Variants in RIMS2 observed in about 807,000 individuals in gnomAD.
RIMS2 encodes regulating synaptic membrane exocytosis 2, also known as regulating synaptic membrane exocytosis protein 2.
Under a neutral mutation model 174.4 loss-of-function variants are expected in RIMS2, and 59 were observed. The observed-to-expected ratio is 0.34, with a 90% CI of 0.27 to 0.42. RIMS2 has a LOEUF of 0.42. Among genes scored for constraint, RIMS2 ranks in the 10% least tolerant of loss-of-function variants. RIMS2 has a pLI of 1.00. For synonymous variants in RIMS2, 606 were observed against 572.5 expected (o/e 1.06, Z -0.84); for missense variants, 1,620 against 1,666.3 (o/e 0.97, Z 0.48).
chr8:103,517,710 G>C (rs545595809), intron 1 of RIMS2, among the ~76,000 whole-genome samples: 1 of 152,072 alleles, frequency 6.6e-6, no homozygotes, highest in South Asian at 2.1e-4. Flanking sequence ...CCTGTTGTTG[G>C]TGGAGGCAAT....
chr8:104,014,576 C>G (rs201593154), exon 19 of RIMS2: 2 of 1,612,326 alleles, frequency 1.2e-6, no homozygotes, highest in East Asian at 4.5e-5. Flanking sequence ...AAGGGGCCGA[C>G]AGCTTCCACA....
intron 16 of RIMS2, among the ~76,000 whole-genome samples, chr8:103,989,000 C>G (rs1227684573): frequency 6.6e-6 from 1 of 152,114 alleles, no homozygotes; most frequent in African/African-American, 2.4e-5. Context: ...AGTATCAGTA[C>G]TAGAGACCTG....
intron 19 of RIMS2, among the ~76,000 whole-genome samples, chr8:104,156,485 A>C (rs2098724955): frequency 6.6e-6 from 1 of 152,206 alleles, no homozygotes; most frequent in South Asian, 2.1e-4. Flanking sequence ...ACACAGCATT[A>C]AGCCACTGTT....
At chr8:103,625,908 T>C (rs931326612) in intron 1 of RIMS2, among the ~76,000 whole-genome samples, 1 of 151,694 alleles carries the variant, frequency 6.6e-6, no homozygotes, top group African/African-American at 2.4e-5. Context: ...TGTGTGTATA[T>C]ATTATATATA....
chr8:103,562,964 C>T (rs1296656273), intron 1 of RIMS2, among the ~76,000 whole-genome samples: 1 of 152,148 alleles, frequency 6.6e-6, no homozygotes, highest in African/African-American at 2.4e-5. Flanking sequence ...CCCTTTTAGT[C>T]AAGGCTGGAG....
chr8:104,213,915 G>A (rs1286105107), intron 19 of RIMS2, among the ~76,000 whole-genome samples: 1 of 151,312 alleles, frequency 6.6e-6, no homozygotes, highest in South Asian at 2.1e-4. Flanking sequence ...AGAAGAAGAA[G>A]AAGAGAAATA....
At chr8:103,817,347 A>C (rs912161485) in intron 3 of RIMS2, among the ~76,000 whole-genome samples, 1 of 152,346 alleles carries the variant, frequency 6.6e-6, no homozygotes. Context: ...GTGTGTGTGC[A>C]TGTGCACATG....
intron 1 of RIMS2, among the ~76,000 whole-genome samples, chr8:103,617,327 G>A (rs987113523): frequency 3.3e-5 from 5 of 152,146 alleles, no homozygotes; most frequent in Admixed American, 6.5e-5. Context: ...ATTGAAGCTG[G>A]ACTCCTTCCT....
chr8:104,069,533 AT>A (rs915978344), intron 19 of RIMS2, among the ~76,000 whole-genome samples: 3 of 143,710 alleles, frequency 2.1e-5, no homozygotes, highest in Non-Finnish European at 3.0e-5. Context: ...CAGTGGTGCA[AT>A]CTTGGCTCAC....
intron 3 of RIMS2, among the ~76,000 whole-genome samples, chr8:103,767,191 TC>T (rs1440656082): frequency 1.3e-5 from 1 of 78,242 alleles, no homozygotes; most frequent in Non-Finnish European, 2.2e-5. Flanking sequence ...TCTTTTTCTT[TC>T]TTTTTTTTTT....
chr8:104,205,495 C>CTG (rs55980964), intron 19 of RIMS2, among the ~76,000 whole-genome samples: 30,176 of 150,924 alleles, frequency 0.2, 3,155 homozygotes, highest in Non-Finnish European at 0.23. Context: ...TGTGAAGTGT[C>CTG]TGTGTGTGTG....
At chr8:103,675,383 G>A (rs2096795507) in intron 1 of RIMS2, among the ~76,000 whole-genome samples, 1 of 152,174 alleles carries the variant, frequency 6.6e-6, no homozygotes, top group Non-Finnish European at 1.5e-5. Context: ...AGTGATTCCT[G>A]TTCCATGCAA....
chr8:104,012,264 CA>C (rs1397592923), intron 17 of RIMS2, among the ~76,000 whole-genome samples: 1 of 151,682 alleles, frequency 6.6e-6, no homozygotes, highest in African/African-American at 2.4e-5. Context: ...AGCCAATATT[CA>C]CTTTCTAAAG....
intron 1 of RIMS2, among the ~76,000 whole-genome samples, chr8:103,602,356 A>T (rs1350248973): frequency 6.6e-6 from 1 of 152,062 alleles, no homozygotes; most frequent in African/African-American, 2.4e-5. Context: ...TATATAGGTA[A>T]ACTGCATGTC....
intron 3 of RIMS2, among the ~76,000 whole-genome samples, chr8:103,782,562 T>C (rs111525141): frequency 5.3e-5 from 8 of 152,098 alleles, no homozygotes; most frequent in African/African-American, 1.9e-4. Flanking sequence ...TTTTAAGTTT[T>C]TGTAGTCATT....
intron 8 of RIMS2, 27 bp from the exon 12 acceptor site, chr8:103,918,413 TC>T: frequency 7.3e-7 from 1 of 1,374,458 alleles, no homozygotes; most frequent in Non-Finnish European, 9.9e-7. Flanking sequence ...ACAGTTTCTG[TC>T]TTTCTTTTTT....
intron 3 of RIMS2, among the ~76,000 whole-genome samples, chr8:103,876,847 T>C (rs1207370044): frequency 1.1e-3 from 134 of 125,828 alleles, no homozygotes; most frequent in Non-Finnish European, 7.2e-4. Context: ...TGTGTATATA[T>C]ACACACACAC....
At chr8:104,182,319 T>C in intron 19 of RIMS2, among the ~76,000 whole-genome samples, 1 of 151,966 alleles carries the variant, frequency 6.6e-6, no homozygotes, top group Middle Eastern at 3.4e-3. Flanking sequence ...TTAATTAACA[T>C]TGTACTTTTA....
At chr8:104,058,916 G>C (rs202133687) in intron 19 of RIMS2, among the ~76,000 whole-genome samples, 3 of 152,036 alleles carry the variant, frequency 2.0e-5, no homozygotes, top group African/African-American at 7.2e-5. Flanking sequence ...CTGTTCTGTT[G>C]CATTGGTCTA....
Sources: allele counts gnomAD v4.1 joint callset (sites outside exome capture counted in the v4.1 genomes callset), GRCh38; gene constraint gnomAD v4.1.1; transcripts MANE v1.5; gene names NCBI Gene and HGNC (gene_info 2026-07-23, HGNC 2026-07-21).